SLC26A4: variants seen among roughly 807,000 people sequenced by gnomAD.
SLC26A4 encodes the protein pendrin.
SLC26A4 carries 93 observed loss-of-function variants against 90.4 expected under a neutral mutation model. The observed-to-expected ratio is 1.03, with a 90% CI of 0.87 to 1.22. The LOEUF (loss-of-function observed/expected upper bound fraction) is 1.22, where lower values mean the gene tolerates loss of function less well. SLC26A4 is among the 50% of genes most tolerant of loss of function. SLC26A4 has a pLI of 0.00. For synonymous variants in SLC26A4, 393 were observed against 354.6 expected (o/e 1.11, Z -1.22); for missense variants, 1,127 against 946.2 (o/e 1.19, Z -2.51).
chr7:107,698,817 G>A (rs182635394), intron 14 of SLC26A4, among the ~76,000 whole-genome samples: 3 of 151,870 alleles, frequency 2.0e-5, no homozygotes, highest in African/African-American at 7.2e-5. Flanking sequence ...TTTATCCTTG[G>A]TATTAGAAGA....
intron 18 of SLC26A4, among the ~76,000 whole-genome samples, chr7:107,708,417 T>C (rs1437977523): frequency 6.6e-6 from 1 of 152,210 alleles, no homozygotes; most frequent in Non-Finnish European, 1.5e-5. Flanking sequence ...TCAATTTTCT[T>C]TATCTCTTCA....
chr7:107,697,757 C>T (rs796233149), intron 13 of SLC26A4, among the ~76,000 whole-genome samples: 12 of 152,262 alleles, frequency 7.9e-5, no homozygotes, highest in Admixed American at 1.3e-4. Flanking sequence ...ATTTCACATG[C>T]GTGAAAGCTC....
chr7:107,701,984 C>T lies in SLC26A4; in HGVS notation c.1961C>T (p.Pro654Leu). 3 of 1,614,004 alleles carry T rather than the reference C, an allele frequency of 1.9e-6. No individual in the cohort carries two copies. Among genetic ancestry groups the T allele is most frequent in the Non-Finnish European group, 2.5e-6 (3 of 1,179,916 alleles). The change falls in exon 17 of 21, where the codon CCA becomes CTA. Residue 654 changes from proline (P) to leucine (L), a missense_variant. Coordinates refer to ENST00000644269, the MANE Select transcript of SLC26A4 (RefSeq NM_000441.2). ...LPVKVNVPKV[P>L]IHSLVLDCGA... ...GTCAAAGTGAACGTTCCCAAAGTGC[C>T]AATCCATAGCCTTGTGCTTGACTGT...
rs774544475 is a variant in SLC26A4, at chr7:107,698,131, A to T, written c.1614+20A>T. ...AAAAACGTAAGTACCTTTGTGAGAC[A>T]TTTGCTGGACTTGGGTTTACTAGCC... On this transcript the variant is annotated intron_variant, in intron 14 of 20. Transcript: ENST00000644269. The T allele has an allele frequency of 1.3e-6, 2 of 1,534,018 alleles. No individual in the cohort carries two copies. The highest frequency in any genetic ancestry group is 1.7e-5 in the Admixed American group (1 of 59,852).
intron 10 of SLC26A4, chr7:107,691,740 C>A: frequency 9.8e-7 from 1 of 1,017,374 alleles, no homozygotes; most frequent in Non-Finnish European, 1.2e-6. Context: ...TGCTTTTCAA[C>A]AAAAAATTTT....
In SLC26A4 at chr7:107,689,616, T is replaced by C. The variant is rs550187223; in HGVS notation, c.1149+416T>C. 4.6e-5 allele frequency among the ~76,000 whole-genome samples: 7 copies of C among 152,350 alleles called. No individual in the cohort carries two copies. The South Asian group carries it at 1.0e-3, about 23-fold the overall frequency. ...GAGGTGGTTCACTGTGCAGTTAATA[T>C]ATACAGGCAATTTTTGTAGGCATGT... is the stretch of plus-strand genomic sequence containing the variant. On this transcript the variant is annotated intron_variant, in intron 9 of 20. Coordinates refer to ENST00000644269, the MANE Select transcript of SLC26A4 (RefSeq NM_000441.2).
In SLC26A4 at chr7:107,694,410, G is replaced by A. The variant is rs1791675770; in HGVS notation, c.1271G>A (p.Gly424Asp). ...GAGGTGTGTGTCTTCCAGGTTGCTG[G>A]CATCATCTCTGCTGCGATTGTGATG... Reference protein sequence around the residue: ...ESTGGKTQVAGIISAAIVMIA... With the variant: ...ESTGGKTQVADIISAAIVMIA... The change falls in exon 11 of 21, where the codon GGC becomes GAC. Residue 424 changes from glycine to aspartate, a missense_variant. Transcript: ENST00000644269. 1.2e-6 allele frequency: 2 copies of A among 1,613,218 alleles called. No homozygotes were observed. The highest frequency in any genetic ancestry group is 1.7e-6 in the Non-Finnish European group (2 of 1,179,290).
At chr7:107,697,953 A>C in intron 13 of SLC26A4, 89 bp from the exon 14 acceptor site, 1 of 816,336 alleles carries the variant, frequency 1.2e-6, no homozygotes, top group Non-Finnish European at 2.2e-6. Context: ...CACCAGAATG[A>C]TGGGCTCTTT....
intron 16 of SLC26A4, 51 bp from the exon 17 acceptor site, chr7:107,701,776 G>C: frequency 3.3e-6 from 4 of 1,197,408 alleles, no homozygotes; most frequent in Non-Finnish European, 3.7e-6. Context: ...ATGAATGGTT[G>C]AAAGATTTCA....
intron 8 of SLC26A4, among the ~76,000 whole-genome samples, chr7:107,687,569 A>T (rs1257919754): frequency 6.6e-6 from 1 of 152,230 alleles, no homozygotes; most frequent in Non-Finnish European, 1.5e-5. Context: ...GTGGGTTTAA[A>T]TAACATGCCT....
In SLC26A4 at chr7:107,661,861, G is replaced by A; in HGVS notation, c.164+56G>A. The A allele has an allele frequency of 6.7e-7, 1 of 1,503,192 alleles. No individual in the cohort carries two copies. Among genetic ancestry groups the A allele is most frequent in the African/African-American group, 1.4e-5 (1 of 71,920 alleles). The allele number at this position is 1,503,192 out of a possible 1,614,324, so 93.1% of individuals were successfully genotyped here. A position where few individuals can be genotyped will look rare whatever the true frequency, so the allele number is the denominator to read the frequency against. ...AGCGGAGCGGGGCGTCCACGCCTTG[G>A]GGAGGGAAGGGCGTCCCCAGCGGGC... On this transcript the variant is annotated intron_variant, in intron 2 of 20. Coordinates refer to ENST00000644269, the MANE Select transcript of SLC26A4 (RefSeq NM_000441.2). This position sits in a 1 kb window ranked among gnomAD's most constrained non-coding sequence, Gnocchi z 5.1.
At chr7:107,666,854 A>AC (rs1271084227) in intron 3 of SLC26A4, among the ~76,000 whole-genome samples, 2 of 152,138 alleles carry the variant, frequency 1.3e-5, no homozygotes, top group Non-Finnish European at 2.9e-5. Context: ...CATTTGCCTC[A>AC]CCCTATTCCT....
At chr7:107,709,608 G>T (rs1792125502) in intron 18 of SLC26A4, among the ~76,000 whole-genome samples, 1 of 152,148 alleles carries the variant, frequency 6.6e-6, no homozygotes, top group Non-Finnish European at 1.5e-5. Context: ...GGGCACAGCT[G>T]TGAAACATTG....
chr7:107,702,659 T>A (rs1441440319), intron 17 of SLC26A4, among the ~76,000 whole-genome samples: 2 of 132,232 alleles, frequency 1.5e-5, no homozygotes, highest in African/African-American at 5.9e-5. Context: ...TACTCCAGCC[T>A]GGGTGACAGA....
intron 3 of SLC26A4, among the ~76,000 whole-genome samples, chr7:107,669,757 C>G (rs1790814732): frequency 6.6e-6 from 1 of 152,164 alleles, no homozygotes. Context: ...ATATAAGGAA[C>G]ATGAAAAAAT....
intron 6 of SLC26A4, among the ~76,000 whole-genome samples, chr7:107,682,507 A>G (rs1023549751): frequency 3.9e-5 from 6 of 152,172 alleles, no homozygotes; most frequent in African/African-American, 1.2e-4. Context: ...TCTTTGCCAG[A>G]AAGAATGAAG....
intron 18 of SLC26A4, 91 bp downstream of exon 18, chr7:107,704,476 C>CTT (rs546657902): frequency 1.3e-4 from 69 of 529,390 alleles, no homozygotes; most frequent in Non-Finnish European, 1.4e-4. Flanking sequence ...GTCTGAAGGC[C>CTT]TTTTTTTTTT....
chr7:107,687,689 G>A (rs1186903285), intron 8 of SLC26A4, among the ~76,000 whole-genome samples: 4 of 152,188 alleles, frequency 2.6e-5, no homozygotes. Flanking sequence ...AGGCAGCCAG[G>A]CAGGCAAAGT....
At chr7:107,695,278 C>A (rs1028729366) in intron 12 of SLC26A4, among the ~76,000 whole-genome samples, 1 of 151,974 alleles carries the variant, frequency 6.6e-6, no homozygotes. Context: ...AGCACAGACA[C>A]AGGCAGAAAT....
Sources: gnomAD v4.1 joint callset for allele counts (sites outside exome capture counted in the v4.1 genomes callset) on GRCh38, gnomAD v4.1.1 for gene constraint, Gnocchi (gnomAD v3.1) non-coding constraint, MANE v1.5 for transcripts, NCBI Gene and HGNC (gene_info 2026-07-23, HGNC 2026-07-21) for gene names.